The following CRADD variants were observed in gnomAD, a reference collection of about 807,000 sequenced individuals.
CRADD encodes CARD and death domain containing adaptor protein, also known as death domain-containing protein CRADD.
Under a neutral mutation model 15.5 loss-of-function variants are expected in CRADD, and 9 were observed. The observed-to-expected ratio is 0.58, with a 90% confidence interval of 0.35 to 1.01. CRADD has a LOEUF of 1.01. Ranked by LOEUF, CRADD falls within the 50% of genes least tolerant of loss-of-function variation. CRADD has a pLI of 0.02. For missense variants in CRADD, 227 were observed against 250.3 expected (o/e 0.91, Z 0.63); for synonymous variants, 118 against 107.6 (o/e 1.10, Z -0.60).
intron 2 of CRADD, among the ~76,000 whole-genome samples, chr12:93,862,372 C>G (rs1397712967): frequency 3.3e-5 from 5 of 152,186 alleles, no homozygotes; most frequent in African/African-American, 1.2e-4. Flanking sequence ...CATGACACCA[C>G]CTTGTATAGA....
intron 2 of CRADD, among the ~76,000 whole-genome samples, chr12:93,826,471 G>A (rs1202200363): frequency 1.3e-5 from 2 of 152,194 alleles, no homozygotes; most frequent in African/African-American, 4.8e-5. Flanking sequence ...AAGTCTTCCT[G>A]TGATTTATAG....
At chr12:93,714,281 C>T (rs989476852) in intron 2 of CRADD, among the ~76,000 whole-genome samples, 1 of 152,136 alleles carries the variant, frequency 6.6e-6, no homozygotes, top group African/African-American at 2.4e-5. Flanking sequence ...GAATTTGTGA[C>T]TTGATGAAAT....
chr12:93,697,608 G>A (rs996010839), intron 2 of CRADD, among the ~76,000 whole-genome samples: 3 of 143,774 alleles, frequency 2.1e-5, no homozygotes, highest in Non-Finnish European at 4.5e-5. Context: ...AGTTAAATAA[G>A]TTAATTTAAA....
At chr12:93,777,886 A>T (rs1228196419) in intron 2 of CRADD, among the ~76,000 whole-genome samples, 1 of 152,114 alleles carries the variant, frequency 6.6e-6, no homozygotes, top group Non-Finnish European at 1.5e-5. Flanking sequence ...AAATCAAACC[A>T]TGACCTCCAT....
At chr12:93,872,019 T>A (rs551273732) in intron 2 of CRADD, among the ~76,000 whole-genome samples, 1 of 152,298 alleles carries the variant, frequency 6.6e-6, no homozygotes, top group African/African-American at 2.4e-5. Flanking sequence ...CTAATTCACA[T>A]CCCCACCAAC....
At chr12:93,757,724 AGCC>A (rs1237095562) in intron 2 of CRADD, among the ~76,000 whole-genome samples, 2 of 152,234 alleles carry the variant, frequency 1.3e-5, no homozygotes, top group African/African-American at 4.8e-5. Flanking sequence ...TTGTTTGCTC[AGCC>A]TCTCCATTTC....
intron 2 of CRADD, among the ~76,000 whole-genome samples, chr12:93,820,548 C>CAAAAAAAAAAA (rs796143867): frequency 9.0e-6 from 1 of 110,568 alleles, no homozygotes; most frequent in Non-Finnish European, 1.9e-5. Context: ...GACTCTGTCT[C>CAAAAAAAAAAA]AAAAAAAAAA....
intron 2 of CRADD, among the ~76,000 whole-genome samples, chr12:93,699,733 G>T (rs1382535399): frequency 1.3e-5 from 2 of 152,176 alleles, no homozygotes; most frequent in Admixed American, 1.3e-4. Flanking sequence ...TTGTTTAGAA[G>T]TGTAGCCTGT....
chr12:93,892,522 C>T (rs945691172), intron 2 of CRADD, among the ~76,000 whole-genome samples: 2 of 152,002 alleles, frequency 1.3e-5, no homozygotes, highest in African/African-American at 4.8e-5. Flanking sequence ...TTTTCTGACC[C>T]TTCTTTGTTC....
At chr12:93,886,561 G>A (rs1011253642) in intron 2 of CRADD, among the ~76,000 whole-genome samples, 8 of 152,088 alleles carry the variant, frequency 5.3e-5, no homozygotes, top group Non-Finnish European at 7.3e-5. Flanking sequence ...TTCACCTGAC[G>A]GTAGTCCAGC....
intron 2 of CRADD, among the ~76,000 whole-genome samples, chr12:93,886,407 C>T (rs916620144): frequency 2.0e-5 from 3 of 152,082 alleles, no homozygotes; most frequent in East Asian, 1.9e-4. Flanking sequence ...GCGATCTGTC[C>T]GCCTTGGCCT....
chr12:93,844,186 C>T (rs959296828), intron 2 of CRADD, among the ~76,000 whole-genome samples: 2 of 152,162 alleles, frequency 1.3e-5, no homozygotes, highest in African/African-American at 4.8e-5. Flanking sequence ...GTTCATCTTG[C>T]ACTCCGCTAG....
intron 2 of CRADD, among the ~76,000 whole-genome samples, chr12:93,691,420 AT>A (rs1182919597): frequency 2.0e-5 from 3 of 151,862 alleles, no homozygotes; most frequent in Non-Finnish European, 4.4e-5. Context: ...TGCCTGGCTA[AT>A]TTTTGTATTG....
At chr12:93,854,239 G>C (rs548293971), downstream of CRADD, among the ~76,000 whole-genome samples, 44 of 152,310 alleles carry the variant, frequency 2.9e-4, no homozygotes, top group African/African-American at 9.4e-4. Context: ...GTTGGCTGAG[G>C]CAGGATGCTC....
chr12:93,855,798 T>C (rs1470064170), intron 2 of CRADD, among the ~76,000 whole-genome samples: 1 of 152,216 alleles, frequency 6.6e-6, no homozygotes, highest in Non-Finnish European at 1.5e-5. Context: ...AGTTGAATTC[T>C]TTTGGCTATC....
chr12:93,854,975 C>G (rs993677449), downstream of CRADD, among the ~76,000 whole-genome samples: 2 of 152,130 alleles, frequency 1.3e-5, no homozygotes, highest in Non-Finnish European at 2.9e-5. Flanking sequence ...GGGCGGATCA[C>G]TTGAGCTCCA....
chr12:93,839,323 T>G (rs1958020827), intron 2 of CRADD, among the ~76,000 whole-genome samples: 1 of 152,230 alleles, frequency 6.6e-6, no homozygotes, highest in Non-Finnish European at 1.5e-5. Context: ...TTTCCTGAGA[T>G]GGAGATATCT....
At chr12:93,817,141 G>GT (rs971019843) in intron 2 of CRADD, among the ~76,000 whole-genome samples, 31 of 152,158 alleles carry the variant, frequency 2.0e-4, no homozygotes, top group South Asian at 4.2e-4. Flanking sequence ...CCAGATGATT[G>GT]TTTAAGTCTC....
intron 2 of CRADD, among the ~76,000 whole-genome samples, chr12:93,790,315 G>A (rs1440579413): frequency 6.6e-6 from 1 of 152,016 alleles, no homozygotes; most frequent in African/African-American, 2.4e-5. Flanking sequence ...TCAACTATAG[G>A]TGGGGGGAGG....
Sources: gnomAD v4.1 joint callset for allele counts (sites outside exome capture counted in the v4.1 genomes callset) on GRCh38, gnomAD v4.1.1 for gene constraint, MANE v1.5 for transcripts, NCBI Gene and HGNC (gene_info 2026-07-23, HGNC 2026-07-21) for gene names.